ARHGAP6: variants seen among roughly 807,000 people sequenced by gnomAD.
ARHGAP6 encodes rho GTPase-activating protein 6.
Under a neutral mutation model 55.7 loss-of-function variants are expected in ARHGAP6, and 16 were observed. That is an observed-to-expected ratio of 0.29 (90% CI 0.19 to 0.44). ARHGAP6 has a LOEUF of 0.44. Ranked by LOEUF, ARHGAP6 falls within the 20% of genes least tolerant of loss-of-function variation. The pLI, the probability that ARHGAP6 is intolerant of heterozygous loss-of-function variation, is 1.00. For synonymous variants in ARHGAP6, 382 were observed against 360.9 expected, an observed-to-expected ratio of 1.06 and a Z score of -0.66; for missense variants, 698 against 808.9, an observed-to-expected ratio of 0.86 and a Z score of 1.66.
chrX:11,137,643 T>TA lies in ARHGAP6; in HGVS notation c.*1219dup, dbSNP rs756767993. On this transcript the variant is annotated 3_prime_UTR_variant, in exon 13 of 13. Transcript: ENST00000337414. ...TGAAAATTAAGAGTAGCATGTTTTA[T>TA]AAAAAAAAAAAAAATCTTTTTTTAT... 21,209 of 97,907 alleles carry TA rather than the reference T, an allele frequency of 0.22. 1,804 individuals are homozygous for TA. The highest frequency in any genetic ancestry group is 0.27 in the Middle Eastern group (51 of 191). 8.1% of individuals were successfully genotyped at this position (97,907 alleles called of 1,213,427 possible). A position where few individuals can be genotyped will look rare whatever the true frequency, so the allele number is the denominator to read the frequency against.
intron 1 of ARHGAP6, among the ~76,000 whole-genome samples, chrX:11,398,075 G>A (rs2049500268): frequency 9.1e-6 from 1 of 110,388 alleles, no homozygotes; most frequent in South Asian, 3.9e-4. Flanking sequence ...TTTGGAAAAG[G>A]TGCCAAATCT....
At chrX:11,227,793 C>CTTTTTTTTTTTT (rs199899751) in intron 2 of ARHGAP6, among the ~76,000 whole-genome samples, 3 of 108,206 alleles carry the variant, frequency 2.8e-5, no homozygotes, top group African/African-American at 1.0e-4. Context: ...CTTTCTTTTT[C>CTTTTTTTTTTTT]TTTTTTCTTT....
chrX:11,290,490 CAAAAAAA>C, intron 1 of ARHGAP6: 16 of 177,077 alleles, frequency 9.0e-5, no homozygotes, highest in Admixed American at 1.7e-4. Flanking sequence ...TCTACCCCAG[CAAAAAAA>C]AAAAAAAAAA....
intron 1 of ARHGAP6, among the ~76,000 whole-genome samples, chrX:11,275,585 C>G (rs973265507): frequency 9.0e-5 from 10 of 111,660 alleles, no homozygotes; most frequent in Non-Finnish European, 1.7e-4. Flanking sequence ...TAGGCTGTCT[C>G]TCCCTACAAA....
At chrX:11,480,506 G>A (rs2050445509) in intron 1 of ARHGAP6, among the ~76,000 whole-genome samples, 1 of 111,430 alleles carries the variant, frequency 9.0e-6, no homozygotes, top group African/African-American at 3.3e-5. Context: ...TCTTTGTGGT[G>A]TGATAAAAAT....
intron 1 of ARHGAP6, among the ~76,000 whole-genome samples, chrX:11,392,552 A>T (rs896739045): frequency 1.8e-5 from 2 of 112,002 alleles, no homozygotes; most frequent in Non-Finnish European, 3.8e-5. Flanking sequence ...TGACCTTATT[A>T]AAAAATCACA....
At chrX:11,523,845 G>T (rs2050962076) in intron 1 of ARHGAP6, among the ~76,000 whole-genome samples, 1 of 111,298 alleles carries the variant, frequency 9.0e-6, no homozygotes, top group Non-Finnish European at 1.9e-5. Flanking sequence ...CGGTACTCAA[G>T]GAGAAAACAG....
At chrX:11,197,554 A>T (rs2046556901) in intron 2 of ARHGAP6, among the ~76,000 whole-genome samples, 1 of 112,052 alleles carries the variant, frequency 8.9e-6, no homozygotes, top group South Asian at 3.7e-4. Context: ...AAATGAAACA[A>T]CACATATAAA....
At chrX:11,179,537 A>G (rs1214578784) in intron 6 of ARHGAP6, 85 bp from the exon 7 acceptor site, 1 of 1,083,476 alleles carries the variant, frequency 9.2e-7, no homozygotes, top group Non-Finnish European at 1.2e-6. Context: ...TGTGACACGT[A>G]GCATCTGGAA....
intron 1 of ARHGAP6, among the ~76,000 whole-genome samples, chrX:11,493,767 T>C (rs1334209162): frequency 9.0e-6 from 1 of 110,603 alleles, no homozygotes; most frequent in Non-Finnish European, 1.9e-5. Flanking sequence ...CATCAAAATA[T>C]TTCGTAAAAA....
intron 7 of ARHGAP6, among the ~76,000 whole-genome samples, chrX:11,178,942 CTG>C (rs2046274762): frequency 8.9e-6 from 1 of 111,910 alleles, no homozygotes; most frequent in African/African-American, 3.2e-5. Flanking sequence ...CTTTCTCACT[CTG>C]GGTTCTCGTG....
intron 1 of ARHGAP6, among the ~76,000 whole-genome samples, chrX:11,568,148 G>A (rs1187191560): frequency 9.0e-6 from 1 of 111,112 alleles, no homozygotes; most frequent in East Asian, 2.8e-4. Flanking sequence ...TCCCAGGGAG[G>A]ACCTGGAAAA....
At chrX:11,427,133 G>A (rs774921477) in intron 1 of ARHGAP6, among the ~76,000 whole-genome samples, 3 of 111,376 alleles carry the variant, frequency 2.7e-5, no homozygotes, top group Non-Finnish European at 5.7e-5. Context: ...TCCACTCGCC[G>A]CACACTGAGA....
At chrX:11,475,757 A>T (rs1471495656) in intron 1 of ARHGAP6, among the ~76,000 whole-genome samples, 1 of 108,789 alleles carries the variant, frequency 9.2e-6, no homozygotes, top group African/African-American at 3.3e-5. Flanking sequence ...AACAAAAACA[A>T]CTCTTGCTCA....
intron 2 of ARHGAP6, among the ~76,000 whole-genome samples, chrX:11,224,715 C>T (rs1175214363): frequency 1.8e-5 from 2 of 109,676 alleles, no homozygotes; most frequent in African/African-American, 3.3e-5. Flanking sequence ...ACTGAGTTAC[C>T]GGAGCACATG....
At chrX:11,457,394 G>A (rs1431092407) in intron 1 of ARHGAP6, among the ~76,000 whole-genome samples, 2 of 111,232 alleles carry the variant, frequency 1.8e-5, no homozygotes, top group Non-Finnish European at 3.8e-5. Flanking sequence ...TTTTGTGATG[G>A]ATGGTAAGTT....
Position 11,427,696 on chromosome X carries a change from C to G in ARHGAP6, c.589-172989G>C. 4 of 827,905 alleles carry G rather than the reference C, an allele frequency of 4.8e-6. No individual in the cohort carries two copies. The South Asian group carries it at 1.4e-4, about 28-fold the overall frequency. 68.2% of individuals were successfully genotyped at this position (827,905 alleles called of 1,213,427 possible). On this transcript the variant is annotated intron_variant, in intron 1 of 12. Coordinates refer to ENST00000337414, the MANE Select transcript of ARHGAP6 (RefSeq NM_013427.3). ...CTGCCATCCTGGGGCAGCCCCTGGGCGCGAGCCCTGCTCCGTGCGTGCCGA... is the reference window on the plus strand; with the variant it reads ...CTGCCATCCTGGGGCAGCCCCTGGGGGCGAGCCCTGCTCCGTGCGTGCCGA...
chrX:11,572,000 T>C (rs1262813406), intron 1 of ARHGAP6, among the ~76,000 whole-genome samples: 1 of 110,589 alleles, frequency 9.0e-6, no homozygotes, highest in Non-Finnish European at 1.9e-5. Context: ...GCTCACAGCC[T>C]CTCAAAGCTG....
intron 6 of ARHGAP6, among the ~76,000 whole-genome samples, chrX:11,181,616 T>C (rs959886858): frequency 2.7e-5 from 3 of 112,404 alleles, no homozygotes; most frequent in Non-Finnish European, 5.6e-5. Flanking sequence ...TCAATGGTTC[T>C]ATGGAAACTT....
Sources: allele counts gnomAD v4.1 joint callset (sites outside exome capture counted in the v4.1 genomes callset), GRCh38; gene constraint gnomAD v4.1.1; transcripts MANE v1.5; gene names NCBI Gene and HGNC (gene_info 2026-07-23, HGNC 2026-07-21).